Variants in COX7B2 observed in about 807,000 individuals in gnomAD.
COX7B2 encodes the protein cytochrome c oxidase subunit 7B2, mitochondrial.
For missense variants in COX7B2, 109 were observed against 95.9 expected (o/e 1.14, Z -0.57); for synonymous variants, 37 against 32.1 (o/e 1.15, Z -0.51).
At chr4:46,818,673 AG>A (rs1328128016) in intron 2 of COX7B2, among the ~76,000 whole-genome samples, 1 of 152,086 alleles carries the variant, frequency 6.6e-6, no homozygotes, top group East Asian at 1.9e-4. Context: ...ACAGACTACT[AG>A]ATCTCAAGCA....
In COX7B2 at chr4:46,812,945, G is replaced by A. The variant is rs556855026; in HGVS notation, c.-50+32015C>T. 2.6e-5 allele frequency among the ~76,000 whole-genome samples: 4 copies of A among 152,210 alleles called. No homozygotes were observed. The East Asian group carries it at 7.8e-4, about 29-fold the overall frequency. On this transcript the variant is annotated intron_variant, in intron 2 of 2. Transcript: ENST00000355591. ...TGCCTCACCTATTGCACAGGGCAGG[G>A]GGTTACTGCTCCAGTATGCCAGTGG...
intron 2 of COX7B2, among the ~76,000 whole-genome samples, chr4:46,753,655 A>G (rs1297786092): frequency 6.6e-6 from 1 of 152,088 alleles, no homozygotes; most frequent in East Asian, 1.9e-4. Flanking sequence ...GGGCATGGGC[A>G]AGGACTTCAT....
At chr4:46,832,905 T>C (rs1715249202) in intron 2 of COX7B2, among the ~76,000 whole-genome samples, 1 of 122,584 alleles carries the variant, frequency 8.2e-6, no homozygotes, top group Admixed American at 7.8e-5. Flanking sequence ...ACTGTGAGCC[T>C]TTTTTTTTTT....
intron 2 of COX7B2, among the ~76,000 whole-genome samples, chr4:46,766,171 A>G (rs1272889623): frequency 6.6e-6 from 1 of 152,246 alleles, no homozygotes; most frequent in African/African-American, 2.4e-5. Context: ...AAGGATGTTA[A>G]TTAATAGTAT....
intron 2 of COX7B2, among the ~76,000 whole-genome samples, chr4:46,796,348 T>C (rs1386814782): frequency 1.3e-5 from 2 of 149,288 alleles, no homozygotes; most frequent in Non-Finnish European, 2.9e-5. Flanking sequence ...GAAATGCTCA[T>C]CATCACTGGC....
intron 2 of COX7B2, among the ~76,000 whole-genome samples, chr4:46,741,477 C>A (rs1273769182): frequency 1.3e-5 from 2 of 152,044 alleles, no homozygotes; most frequent in Non-Finnish European, 2.9e-5. Context: ...CAGTTCAGAA[C>A]CACTGCTGTA....
At chr4:46,833,818 CA>C (rs895258058) in intron 2 of COX7B2, among the ~76,000 whole-genome samples, 43 of 151,314 alleles carry the variant, frequency 2.8e-4, no homozygotes, top group Admixed American at 4.6e-4. Flanking sequence ...AAGAAGTGTG[CA>C]AAAAAAATAT....
At chr4:46,797,492 C>T (rs187512771) in intron 2 of COX7B2, among the ~76,000 whole-genome samples, 10 of 152,278 alleles carry the variant, frequency 6.6e-5, no homozygotes, top group Non-Finnish European at 8.8e-5. Flanking sequence ...AGCAGCAGGC[C>T]GAATTCCTTT....
At chr4:46,815,850 T>C (rs1486207515) in intron 2 of COX7B2, among the ~76,000 whole-genome samples, 1 of 152,214 alleles carries the variant, frequency 6.6e-6, no homozygotes, top group African/African-American at 2.4e-5. Context: ...TACAGATTAA[T>C]TGTCTTAGCA....
At chr4:46,804,459 G>T (rs1211771844) in intron 2 of COX7B2, among the ~76,000 whole-genome samples, 2 of 152,142 alleles carry the variant, frequency 1.3e-5, no homozygotes, top group African/African-American at 4.8e-5. Context: ...ACAGGGTGCT[G>T]ATTGGTGTGT....
At chr4:46,854,250 C>T (rs868614991) in intron 1 of COX7B2, among the ~76,000 whole-genome samples, 14 of 152,156 alleles carry the variant, frequency 9.2e-5, no homozygotes, top group Middle Eastern at 3.4e-3. Flanking sequence ...AAAAGTAGTA[C>T]TGAATTTATA....
At chr4:46,759,006 A>C (rs1200621945) in intron 2 of COX7B2, among the ~76,000 whole-genome samples, 1 of 152,128 alleles carries the variant, frequency 6.6e-6, no homozygotes, top group Admixed American at 6.6e-5. Flanking sequence ...TGGAACCACA[A>C]ACTGGCCCTC....
chr4:46,868,548 C>A (rs190057487), intron 1 of COX7B2, among the ~76,000 whole-genome samples: 6 of 152,260 alleles, frequency 3.9e-5, no homozygotes, highest in African/African-American at 1.4e-4. Flanking sequence ...AGCTGTGTCC[C>A]AGAGATTCTG....
At chr4:46,810,242 T>C (rs1220997798) in intron 2 of COX7B2, among the ~76,000 whole-genome samples, 1 of 151,952 alleles carries the variant, frequency 6.6e-6, no homozygotes, top group Non-Finnish European at 1.5e-5. Context: ...ATTACACAGA[T>C]TGGTTGAATG....
chr4:46,776,330 T>C (rs1345206103), intron 2 of COX7B2, among the ~76,000 whole-genome samples: 1 of 152,080 alleles, frequency 6.6e-6, no homozygotes, highest in African/African-American at 2.4e-5. Flanking sequence ...TTAAAATATC[T>C]GGACTATATC....
chr4:46,767,177 A>T (rs570589782), intron 2 of COX7B2, among the ~76,000 whole-genome samples: 1 of 152,230 alleles, frequency 6.6e-6, no homozygotes, highest in Non-Finnish European at 1.5e-5. Context: ...AAGATATTCC[A>T]CGCAAGTGGC....
chr4:46,762,432 A>ATATATACT (rs1716235698), intron 2 of COX7B2, among the ~76,000 whole-genome samples: 2 of 137,682 alleles, frequency 1.5e-5, no homozygotes, highest in Admixed American at 8.0e-5. Context: ...TATATTTACT[A>ATATATACT]TATATACTGT....
rs373659515 is a variant in COX7B2, at chr4:46,749,090, T to C, written c.-49-13849A>G. Among the ~76,000 whole-genome samples the C allele has an allele frequency of 1.7e-3, 261 of 152,252 alleles. 2 individuals carry two copies. In the Middle Eastern group the frequency reaches 0.024, roughly 14 times the overall value. ...TTTGATCCTTATCAATGTTTCATCCTTTATGATTTTGTTTCTATATCTAAA... is the reference window on the plus strand; with the variant it reads ...TTTGATCCTTATCAATGTTTCATCCCTTATGATTTTGTTTCTATATCTAAA... On this transcript the variant is annotated intron_variant, in intron 2 of 2. Coordinates refer to ENST00000355591, the MANE Select transcript of COX7B2 (RefSeq NM_130902.3).
At chr4:46,768,125 G>A (rs1204952909) in intron 2 of COX7B2, among the ~76,000 whole-genome samples, 1 of 152,250 alleles carries the variant, frequency 6.6e-6, no homozygotes, top group African/African-American at 2.4e-5. Flanking sequence ...ACAGCTCACT[G>A]GAGAGTCAGT....
Sources: allele counts gnomAD v4.1 joint callset (sites outside exome capture counted in the v4.1 genomes callset), GRCh38; gene constraint gnomAD v4.1.1; transcripts MANE v1.5; gene names NCBI Gene and HGNC (gene_info 2026-07-23, HGNC 2026-07-21).